The following FERRY3 variants were observed in gnomAD, a reference collection of about 807,000 sequenced individuals.
The protein encoded by FERRY3 is FERRY endosomal RAB5 effector complex subunit 3, also known as protein C12orf4.
chr12:4,529,868 C>T, the FERRY3 span: 2 of 1,570,746 alleles, frequency 1.3e-6, no homozygotes. Context: ...ATTTGAAATA[C>T]CTCTCTCGTA....
chr12:4,538,075 C>T, the FERRY3 span, among the ~76,000 whole-genome samples: 1 of 151,866 alleles, frequency 6.6e-6, no homozygotes, highest in African/African-American at 2.4e-5. Flanking sequence ...AAGGCAGACA[C>T]AAAAGCTCTG....
the FERRY3 span, among the ~76,000 whole-genome samples, chr12:4,506,649 T>C: frequency 6.6e-6 from 1 of 152,178 alleles, no homozygotes; most frequent in South Asian, 2.1e-4. Context: ...GAACAGTTCA[T>C]AGTCCATTTC....
At chr12:4,497,879 C>CTGTT in the FERRY3 span, among the ~76,000 whole-genome samples, 1 of 152,262 alleles carries the variant, frequency 6.6e-6, no homozygotes, top group East Asian at 1.9e-4. Context: ...TCTAACAATT[C>CTGTT]TGTTAGAAGA....
the FERRY3 span, chr12:4,525,283 G>A: frequency 1.2e-6 from 2 of 1,613,540 alleles, no homozygotes; most frequent in South Asian, 1.1e-5. Flanking sequence ...GGTTTTTTAG[G>A]TCTTGGTGAA....
chr12:4,489,750 A>G, the FERRY3 span: 2 of 1,270,994 alleles, frequency 1.6e-6, no homozygotes, highest in Admixed American at 2.1e-5. Context: ...CCAGCATAGC[A>G]CAAGTTCCTG....
the FERRY3 span, among the ~76,000 whole-genome samples, chr12:4,508,470 T>C: frequency 1.2e-4 from 18 of 152,150 alleles, no homozygotes; most frequent in African/African-American, 3.6e-4. Flanking sequence ...ACTTGCCAGG[T>C]GCAGTGGCTC....
the FERRY3 span, chr12:4,518,247 A>G: frequency 6.2e-7 from 1 of 1,614,084 alleles, no homozygotes; most frequent in African/African-American, 1.3e-5. Flanking sequence ...ATGGTCTTCA[A>G]CTGGGCTCCT....
At chr12:4,496,092 G>A in the FERRY3 span, among the ~76,000 whole-genome samples, 64 of 152,046 alleles carry the variant, frequency 4.2e-4, no homozygotes, top group African/African-American at 1.5e-3. Flanking sequence ...ACACACATAC[G>A]TCTGAGTTGT....
chr12:4,506,088 TA>T, the FERRY3 span, among the ~76,000 whole-genome samples: 1 of 152,158 alleles, frequency 6.6e-6, no homozygotes, highest in African/African-American at 2.4e-5. Context: ...ATATACATTA[TA>T]AAGACTGAAT....
At chr12:4,495,845 T>A in the FERRY3 span, among the ~76,000 whole-genome samples, 1 of 152,214 alleles carries the variant, frequency 6.6e-6, no homozygotes, top group Non-Finnish European at 1.5e-5. Context: ...GAATTTGGTA[T>A]GAATTAATGA....
the FERRY3 span, among the ~76,000 whole-genome samples, chr12:4,530,957 CAA>C: frequency 1.3e-5 from 2 of 151,552 alleles, no homozygotes; most frequent in African/African-American, 4.8e-5. Flanking sequence ...TAGATCTTTG[CAA>C]AAGATACCTG....
At chr12:4,500,152 G>T in the FERRY3 span, 2 of 1,613,276 alleles carry the variant, frequency 1.2e-6, no homozygotes, top group South Asian at 2.2e-5. Flanking sequence ...GACATATCAT[G>T]TACCAGCAAG....
the FERRY3 span, chr12:4,491,364 A>T: frequency 1.4e-6 from 1 of 707,158 alleles, no homozygotes; most frequent in Non-Finnish European, 2.3e-6. Flanking sequence ...GCTAATCCCA[A>T]CTGGATTTCC....
At chr12:4,504,688 A>G in the FERRY3 span, among the ~76,000 whole-genome samples, 1 of 152,242 alleles carries the variant, frequency 6.6e-6, no homozygotes, top group Admixed American at 6.5e-5. Context: ...TTATTTCTCA[A>G]GAAGCTAAGA....
the FERRY3 span, among the ~76,000 whole-genome samples, chr12:4,499,752 C>T: frequency 6.6e-6 from 1 of 151,736 alleles, no homozygotes; most frequent in Admixed American, 6.6e-5. Context: ...TAAGCCAAAT[C>T]TATGTGTATG....
At chr12:4,511,547 C>G in the FERRY3 span, among the ~76,000 whole-genome samples, 175 of 148,800 alleles carry the variant, frequency 1.2e-3, 1 homozygote, top group African/African-American at 4.1e-3. Context: ...ATCTCTCAGA[C>G]CACAGTGCAA....
At chr12:4,534,424 T>C in the FERRY3 span, 1 of 1,100,200 alleles carries the variant, frequency 9.1e-7, no homozygotes, top group African/African-American at 1.6e-5. Context: ...TATTTAGAGA[T>C]GGGGTCTCTC....
the FERRY3 span, chr12:4,490,609 G>T: frequency 6.3e-7 from 1 of 1,594,942 alleles, no homozygotes; most frequent in Non-Finnish European, 8.6e-7. Flanking sequence ...AAAAACAGAT[G>T]TTGCTGCATG....
chr12:4,493,390 A>C, the FERRY3 span, among the ~76,000 whole-genome samples: 1 of 152,244 alleles, frequency 6.6e-6, no homozygotes, highest in Non-Finnish European at 1.5e-5. Context: ...TGAGTGAATT[A>C]GCTTTTATCC....
Sources: gnomAD v4.1 joint callset for allele counts (sites outside exome capture counted in the v4.1 genomes callset) on GRCh38, gnomAD v4.1.1 for gene constraint, MANE v1.5 for transcripts, NCBI Gene and HGNC (gene_info 2026-07-23, HGNC 2026-07-21) for gene names.